DLEU7: variants seen among roughly 807,000 people sequenced by gnomAD.
DLEU7 encodes deleted in lymphocytic leukemia 7, also known as leukemia-associated protein 7.
In DLEU7, 17 loss-of-function variants were observed where a neutral mutation model predicts 16.0. That is an observed-to-expected ratio of 1.06 (90% CI 0.73 to 1.59). DLEU7 has a LOEUF of 1.59. DLEU7 is among the 40% of genes most tolerant of loss of function. The probability of loss-of-function intolerance (pLI) is 0.00; values close to 1 mark genes in which losing one functional copy is unlikely to be tolerated. For missense variants in DLEU7, 308 were observed against 314.9 expected (o/e 0.98, Z 0.17); for synonymous variants, 113 against 139.8 (o/e 0.81, Z 1.35).
downstream of DLEU7, among the ~76,000 whole-genome samples, chr13:50,820,951 T>C (rs1440384958): frequency 1.3e-5 from 2 of 152,150 alleles, no homozygotes; most frequent in Non-Finnish European, 2.9e-5. Flanking sequence ...CAAAAGCCAG[T>C]GTGCATTTTA....
At chr13:50,752,329 G>A (rs189075110) in intron 1 of DLEU7, among the ~76,000 whole-genome samples, 11 of 152,212 alleles carry the variant, frequency 7.2e-5, no homozygotes, top group Admixed American at 2.0e-4. Context: ...GGGATTTCAG[G>A]TGTGAGCCAC....
chr13:50,738,016 T>G (rs891219392), intron 1 of DLEU7, among the ~76,000 whole-genome samples: 4 of 152,128 alleles, frequency 2.6e-5, no homozygotes, highest in Non-Finnish European at 5.9e-5. Context: ...AGTGATTGCT[T>G]ATTGCTGATA....
At chr13:50,762,409 C>T (rs1361874792) in intron 1 of DLEU7, among the ~76,000 whole-genome samples, 1 of 152,096 alleles carries the variant, frequency 6.6e-6, no homozygotes, top group African/African-American at 2.4e-5. Context: ...TTATCATTCT[C>T]AGAATCTAGA....
At chr13:50,827,985 A>C (rs1877147459) in intron 1 of DLEU7, among the ~76,000 whole-genome samples, 3 of 152,000 alleles carry the variant, frequency 2.0e-5, no homozygotes, top group Admixed American at 6.6e-5. Context: ...AAATAAAACC[A>C]AAAAAAATCA....
At chr13:50,779,590 C>T (rs1046657645) in intron 1 of DLEU7, among the ~76,000 whole-genome samples, 3 of 152,118 alleles carry the variant, frequency 2.0e-5, no homozygotes, top group Non-Finnish European at 2.9e-5. Context: ...ACAGCCACCT[C>T]GGGAAAACCA....
chr13:50,713,737 T>C (rs1340496015), intron 1 of DLEU7, among the ~76,000 whole-genome samples: 2 of 152,164 alleles, frequency 1.3e-5, no homozygotes, highest in African/African-American at 2.4e-5. Context: ...TAGGTACTGA[T>C]TGGTCTAACA....
chr13:50,791,417 A>T (rs1319294695), intron 1 of DLEU7, among the ~76,000 whole-genome samples: 1 of 152,148 alleles, frequency 6.6e-6, no homozygotes, highest in Non-Finnish European at 1.5e-5. Flanking sequence ...CAGGTGGGTG[A>T]GAAAAGCCAC....
chr13:50,737,645 T>G (rs368589785), intron 1 of DLEU7, among the ~76,000 whole-genome samples: 3 of 152,160 alleles, frequency 2.0e-5, no homozygotes, highest in East Asian at 3.8e-4. Flanking sequence ...ACAGACTTGA[T>G]GGATCAATGT....
intron 1 of DLEU7, among the ~76,000 whole-genome samples, chr13:50,790,937 A>G (rs776299589): frequency 6.6e-6 from 1 of 152,178 alleles, no homozygotes; most frequent in Non-Finnish European, 1.5e-5. Context: ...GGCTATACCC[A>G]AAGAAGGCAG....
rs532038570 is a variant in DLEU7, at chr13:50,790,493, T to C, written c.459+52695A>G. ...GTTTAAGGAGACCCCCGCTGCTTTT[T>C]CATGTTATCTTTGAGGCATTCTCCA... On this transcript the variant is annotated intron_variant, in intron 1 of 1. Transcript: ENST00000400393. Among the ~76,000 whole-genome samples the C allele has an allele frequency of 3.2e-4, 49 of 152,258 alleles. 1 individual carries two copies. The highest frequency in any genetic ancestry group is 1.1e-3 in the African/African-American group (45 of 41,554).
chr13:50,792,917 C>A (rs952565541), intron 1 of DLEU7, among the ~76,000 whole-genome samples: 1 of 148,810 alleles, frequency 6.7e-6, no homozygotes, highest in African/African-American at 2.5e-5. Flanking sequence ...TGCACAGTTT[C>A]GTTACAAATT....
At chr13:50,716,377 A>G (rs1237174821) in intron 1 of DLEU7, among the ~76,000 whole-genome samples, 2 of 152,226 alleles carry the variant, frequency 1.3e-5, no homozygotes, top group East Asian at 3.8e-4. Flanking sequence ...TATATGCTAT[A>G]TTATTTACAT....
intron 1 of DLEU7, among the ~76,000 whole-genome samples, chr13:50,831,175 A>G (rs1034220248): frequency 3.1e-4 from 47 of 152,214 alleles, no homozygotes; most frequent in African/African-American, 1.1e-3. Context: ...AAAAGAAAAG[A>G]GAAAAGAAAA....
At chr13:50,721,798 G>A (rs1873624671) in intron 1 of DLEU7, among the ~76,000 whole-genome samples, 1 of 152,144 alleles carries the variant, frequency 6.6e-6, no homozygotes, top group African/African-American at 2.4e-5. Flanking sequence ...TAGTGTGGAA[G>A]GCAGTGCATT....
At chr13:50,756,320 G>A (rs907670970) in intron 1 of DLEU7, among the ~76,000 whole-genome samples, 1 of 152,174 alleles carries the variant, frequency 6.6e-6, no homozygotes, top group East Asian at 1.9e-4. Context: ...AGAGTGAATA[G>A]GGAAGGCCCA....
chr13:50,757,623 C>A (rs117796305), intron 1 of DLEU7, among the ~76,000 whole-genome samples: 1 of 152,300 alleles, frequency 6.6e-6, no homozygotes, highest in East Asian at 1.9e-4. Flanking sequence ...TTACTGCAAT[C>A]GATTTCTATT....
chr13:50,761,980 G>C (rs1874945937), intron 1 of DLEU7, among the ~76,000 whole-genome samples: 1 of 151,926 alleles, frequency 6.6e-6, no homozygotes, highest in African/African-American at 2.4e-5. Context: ...CACAGGGTCA[G>C]GAGTTCAAGA....
chr13:50,843,451 C>A lies in DLEU7; in HGVS notation c.196G>T (p.Glu66Ter), dbSNP rs1286894667. 1.7e-5 allele frequency: 23 copies of A among 1,320,852 alleles called. No homozygotes were observed. The highest frequency in any genetic ancestry group is 2.3e-5 in the South Asian group (1 of 44,412). The allele number at this position is 1,320,852 out of a possible 1,614,324, so 81.8% of individuals were successfully genotyped here. Residue 66 changes from glutamate (E) to a stop codon, truncating the protein, a stop_gained, in exon 1 of 2, where the codon GAG (glutamate) becomes TAG (stop). Transcript: ENST00000504404. LOFTEE classifies it high-confidence loss of function. This position sits in a 1 kb window ranked among gnomAD's most constrained non-coding sequence, Gnocchi z 5.7. ...PPRARPGPGREERGGGVGTRS... is the reference protein window; with the variant it reads ...PPRARPGPGR ...GTCCCCACGCCCCCGCCCCGCTCCT[C>A]GCGCCCGGGCCCCGGCCGGGCCCGC... is the stretch of plus-strand genomic sequence containing the variant.
chr13:50,809,790 A>T (rs533348779), intron 1 of DLEU7, among the ~76,000 whole-genome samples: 20 of 152,162 alleles, frequency 1.3e-4, no homozygotes, highest in Admixed American at 1.3e-4. Flanking sequence ...AGTTCTCCTT[A>T]AGTGTCTTTG....
Sources: gnomAD v4.1 joint callset for allele counts (sites outside exome capture counted in the v4.1 genomes callset) on GRCh38, gnomAD v4.1.1 for gene constraint, Gnocchi (gnomAD v3.1) non-coding constraint, MANE v1.5 for transcripts, NCBI Gene and HGNC (gene_info 2026-07-23, HGNC 2026-07-21) for gene names.